ZBTB16: variants seen among roughly 807,000 people sequenced by gnomAD.
ZBTB16 encodes zinc finger and BTB domain containing 16, also known as zinc finger and BTB domain-containing protein 16.
ZBTB16 carries 8 observed loss-of-function variants against 56.8 expected under a neutral mutation model. That is an observed-to-expected ratio of 0.14 (90% CI 0.08 to 0.25). The LOEUF (loss-of-function observed/expected upper bound fraction) is 0.25, where lower values mean the gene tolerates loss of function less well. ZBTB16 is among the 10% of genes least tolerant of loss of function. The pLI is 1.00. For synonymous variants in ZBTB16, 363 were observed against 368.5 expected, an observed-to-expected ratio of 0.98 and a Z score of 0.17; for missense variants, 625 against 903.0, an observed-to-expected ratio of 0.69 and a Z score of 3.95.
chr11:114,234,071 T>G (rs912457431), intron 4 of ZBTB16, among the ~76,000 whole-genome samples: 2 of 152,242 alleles, frequency 1.3e-5, no homozygotes, highest in East Asian at 1.9e-4. Flanking sequence ...TGAAGATGCT[T>G]TTGCTCCCTT....
At chr11:114,182,471 C>T (rs552342378) in intron 3 of ZBTB16, among the ~76,000 whole-genome samples, 22 of 152,206 alleles carry the variant, frequency 1.4e-4, no homozygotes, top group African/African-American at 3.9e-4. Context: ...GCAGGGATTT[C>T]GTCTCTTTTG....
chr11:114,061,822 A>T (rs1253272404), intron 1 of ZBTB16, among the ~76,000 whole-genome samples: 3 of 152,002 alleles, frequency 2.0e-5, no homozygotes. Context: ...GCTGGTGCCA[A>T]TATCACTTCC....
chr11:114,095,251 T>TTTTTC (rs1940347321), intron 2 of ZBTB16, among the ~76,000 whole-genome samples: 1 of 122,980 alleles, frequency 8.1e-6, no homozygotes, highest in South Asian at 2.8e-4. Flanking sequence ...TTTTCTTTTT[T>TTTTTC]TTTTTTTTTT....
intron 2 of ZBTB16, among the ~76,000 whole-genome samples, chr11:114,070,094 CTTTTTTTTTTT>C (rs4020465): frequency 5.3e-5 from 4 of 75,966 alleles, no homozygotes; most frequent in East Asian, 8.3e-4. Flanking sequence ...GAGTACCTTT[CTTTTTTTTTTT>C]TTTTTTTTTT....
At chr11:114,193,426 C>G (rs1419685823) in intron 4 of ZBTB16, among the ~76,000 whole-genome samples, 1 of 152,078 alleles carries the variant, frequency 6.6e-6, no homozygotes, top group Non-Finnish European at 1.5e-5. Flanking sequence ...GTGCTCAGTG[C>G]CGAGGGGAGA....
At chr11:114,243,410 C>T (rs887976306) in intron 5 of ZBTB16, among the ~76,000 whole-genome samples, 1 of 152,174 alleles carries the variant, frequency 6.6e-6, no homozygotes, top group Non-Finnish European at 1.5e-5. Flanking sequence ...AAGGGAAGAG[C>T]TTTACTTCTC....
chr11:114,082,116 CAAA>C (rs55670871), intron 2 of ZBTB16, among the ~76,000 whole-genome samples: 2 of 138,544 alleles, frequency 1.4e-5, no homozygotes, highest in African/African-American at 2.8e-5. Context: ...ACGATCTTTA[CAAA>C]AAAAAAAAAA....
At chr11:114,157,314 T>C (rs760782627) in intron 3 of ZBTB16, among the ~76,000 whole-genome samples, 1 of 152,224 alleles carries the variant, frequency 6.6e-6, no homozygotes. Flanking sequence ...GTTTGTAATA[T>C]GTGCTGTGTG....
intron 2 of ZBTB16, among the ~76,000 whole-genome samples, chr11:114,070,859 G>A (rs751907399): frequency 6.6e-6 from 1 of 152,166 alleles, no homozygotes; most frequent in Non-Finnish European, 1.5e-5. Context: ...CTTTTTAGGG[G>A]TGATGAATGA....
At chr11:114,081,680 T>A (rs1389109765) in intron 2 of ZBTB16, among the ~76,000 whole-genome samples, 1 of 152,144 alleles carries the variant, frequency 6.6e-6, no homozygotes, top group Non-Finnish European at 1.5e-5. Flanking sequence ...TGATACATGT[T>A]GGGAGCCTGG....
chr11:114,164,307 G>A (rs1421058333), intron 3 of ZBTB16, among the ~76,000 whole-genome samples: 1 of 152,104 alleles, frequency 6.6e-6, no homozygotes, highest in Non-Finnish European at 1.5e-5. Flanking sequence ...AGCATAGGGT[G>A]GTTTCTTCCA....
In ZBTB16 at chr11:114,062,908, G is replaced by A. The variant is rs562049891; in HGVS notation, c.-90-303G>A. Among the ~76,000 whole-genome samples the A allele has an allele frequency of 3.3e-5, 5 of 152,306 alleles. No individual in the cohort carries two copies. In the South Asian group the frequency reaches 1.0e-3, roughly 32 times the overall value. ...ACTCTCAGACACAGAGAAAGCTGAG[G>A]ACTTATAGGACTTCACTACAATTTT... On this transcript the variant is annotated intron_variant, in intron 1 of 6. Transcript: ENST00000335953.
At chr11:114,200,478 A>G (rs1943713231) in intron 4 of ZBTB16, among the ~76,000 whole-genome samples, 1 of 152,188 alleles carries the variant, frequency 6.6e-6, no homozygotes, top group Non-Finnish European at 1.5e-5. Flanking sequence ...TGTATGGTCC[A>G]ATATAGTCAT....
intron 3 of ZBTB16, among the ~76,000 whole-genome samples, chr11:114,161,022 C>G (rs1018590059): frequency 3.3e-5 from 5 of 152,190 alleles, no homozygotes; most frequent in African/African-American, 1.2e-4. Flanking sequence ...CCTCTGCTAC[C>G]TTACCCCTTT....
chr11:114,128,352 C>G (rs1941570351), intron 2 of ZBTB16, among the ~76,000 whole-genome samples: 1 of 152,184 alleles, frequency 6.6e-6, no homozygotes, highest in South Asian at 2.1e-4. Flanking sequence ...GACAGCCACC[C>G]ACTACTTCTG....
At chr11:114,072,988 C>A (rs1469309442) in intron 2 of ZBTB16, among the ~76,000 whole-genome samples, 1 of 146,050 alleles carries the variant, frequency 6.8e-6, no homozygotes, top group Non-Finnish European at 1.5e-5. Context: ...GGAGGCAGAG[C>A]TTGCAGTGAG....
At chr11:114,149,435 C>G (rs1295926650) in intron 2 of ZBTB16, among the ~76,000 whole-genome samples, 1 of 152,146 alleles carries the variant, frequency 6.6e-6, no homozygotes, top group Non-Finnish European at 1.5e-5. Context: ...GGTCTGGATC[C>G]CCAGCAGAGA....
At chr11:114,206,332 G>T (rs539815032) in intron 4 of ZBTB16, among the ~76,000 whole-genome samples, 1 of 152,298 alleles carries the variant, frequency 6.6e-6, no homozygotes, top group East Asian at 1.9e-4. Flanking sequence ...GATTTGTCTG[G>T]GATCACACAG....
At chr11:114,085,966 T>TATTC (rs1939944091) in intron 2 of ZBTB16, among the ~76,000 whole-genome samples, 1 of 152,172 alleles carries the variant, frequency 6.6e-6, no homozygotes, top group Admixed American at 6.5e-5. Flanking sequence ...CTGCTCAGAA[T>TATTC]GCAGAGCCCC....
Sources: gnomAD v4.1 joint callset for allele counts (sites outside exome capture counted in the v4.1 genomes callset) on GRCh38, gnomAD v4.1.1 for gene constraint, MANE v1.5 for transcripts, NCBI Gene and HGNC (gene_info 2026-07-23, HGNC 2026-07-21) for gene names.